The following KSR2 variants were observed in gnomAD, a reference collection of about 807,000 sequenced individuals.
The protein encoded by KSR2 is kinase suppressor of ras 2.
In KSR2, 25 loss-of-function variants were observed where a neutral mutation model predicts 107.8. That is an observed-to-expected ratio of 0.23 (90% confidence interval 0.17 to 0.32). The LOEUF is 0.32. Ranked by LOEUF, KSR2 falls within the 10% of genes least tolerant of loss-of-function variation. KSR2 has a pLI of 1.00. For missense variants in KSR2, 887 were observed against 1,268.9 expected (o/e 0.70, Z 4.57); for synonymous variants, 480 against 507.0 (o/e 0.95, Z 0.71).
At chr12:117,675,163 A>G (rs1396420568) in intron 4 of KSR2, among the ~76,000 whole-genome samples, 4 of 152,182 alleles carry the variant, frequency 2.6e-5, no homozygotes, top group African/African-American at 9.7e-5. Context: ...TTCTGCATTT[A>G]CTTATGTGGT....
intron 5 of KSR2, among the ~76,000 whole-genome samples, chr12:117,620,301 G>A (rs969025866): frequency 6.6e-6 from 1 of 152,098 alleles, no homozygotes; most frequent in African/African-American, 2.4e-5. Context: ...GACCCTGGGT[G>A]GTGAGCAAAG....
chr12:117,532,018 A>G (rs186936234), intron 10 of KSR2, among the ~76,000 whole-genome samples: 31 of 151,908 alleles, frequency 2.0e-4, no homozygotes, highest in African/African-American at 7.0e-4. Flanking sequence ...ACACAGAAAA[A>G]CTCTGCAAAG....
At position 117,466,898 on chromosome 12, in the gene KSR2, C is replaced by T. The variant is rs915044392; in HGVS notation, c.*301G>A. ...CTGTCCTAGTCCCATAGCCCAAAGGCACCACGTGCAGCCTGCAGTGCTCTC... is the reference window on the plus strand; with the variant it reads ...CTGTCCTAGTCCCATAGCCCAAAGGTACCACGTGCAGCCTGCAGTGCTCTC... On this transcript the variant is annotated 3_prime_UTR_variant, in exon 20 of 20. Transcript: ENST00000339824. 1 of 356,040 alleles carries T rather than the reference C, an allele frequency of 2.8e-6. No individual in the cohort carries two copies. 22.1% of individuals were successfully genotyped at this position (356,040 alleles called of 1,614,324 possible). A position where few individuals can be genotyped will look rare whatever the true frequency, so the allele number is the denominator to read the frequency against.
At chr12:117,923,324 C>G (rs1158733232) in intron 1 of KSR2, among the ~76,000 whole-genome samples, 1 of 152,122 alleles carries the variant, frequency 6.6e-6, no homozygotes. Context: ...TTGCAGAAAC[C>G]TAACCCTGTT....
chr12:117,845,233 G>A (rs554842440), intron 3 of KSR2, among the ~76,000 whole-genome samples: 177 of 152,278 alleles, frequency 1.2e-3, no homozygotes, highest in African/African-American at 4.1e-3. Context: ...AGATAACAAG[G>A]CAGTTGTGTT....
intron 1 of KSR2, among the ~76,000 whole-genome samples, chr12:117,888,022 A>G (rs1894227611): frequency 6.6e-6 from 1 of 152,192 alleles, no homozygotes; most frequent in South Asian, 2.1e-4. Context: ...GGATAGGCAA[A>G]CAGAGTGTCT....
intron 9 of KSR2, among the ~76,000 whole-genome samples, chr12:117,554,163 A>G (rs1219204106): frequency 2.0e-5 from 3 of 152,152 alleles, no homozygotes; most frequent in Non-Finnish European, 4.4e-5. Context: ...TCCTACTGTG[A>G]GGCTGGGCAT....
chr12:117,553,393 G>A (rs1305826409), intron 9 of KSR2, among the ~76,000 whole-genome samples: 7 of 152,204 alleles, frequency 4.6e-5, no homozygotes, highest in South Asian at 2.1e-4. Context: ...AGATGCAGTC[G>A]AAAGCTATTG....
At position 117,458,885 on chromosome 12, in the gene KSR2, C is replaced by T. The variant is rs1199936823; in HGVS notation, c.*8314G>A. The stretch of plus-strand genomic sequence containing the variant: ...TTTTCCTGCCCTTTATATGCAGCAC[C>T]CCCTGACTTCCCAGAAGCCCAGACT... On this transcript the variant is annotated 3_prime_UTR_variant, in exon 20 of 20. Transcript: ENST00000339824. The T allele has an allele frequency of 1.3e-5, 2 of 152,144 alleles. No homozygotes were observed. The highest frequency in any genetic ancestry group is 4.8e-5 in the African/African-American group (2 of 41,408). 9.4% of individuals were successfully genotyped at this position (152,144 alleles called of 1,614,324 possible). A position where few individuals can be genotyped will look rare whatever the true frequency, so the allele number is the denominator to read the frequency against.
At chr12:117,497,902 T>C (rs1238160501) in intron 14 of KSR2, among the ~76,000 whole-genome samples, 2 of 152,186 alleles carry the variant, frequency 1.3e-5, no homozygotes, top group African/African-American at 4.8e-5. Flanking sequence ...GTGCGTGTGA[T>C]TTTATGTCCA....
At chr12:117,876,372 G>A (rs568604226) in intron 1 of KSR2, among the ~76,000 whole-genome samples, 4 of 152,342 alleles carry the variant, frequency 2.6e-5, no homozygotes, top group South Asian at 2.1e-4. Flanking sequence ...AATGAGAACC[G>A]GATCCCTGAG....
chr12:117,540,605 A>T (rs750667598), intron 9 of KSR2, among the ~76,000 whole-genome samples: 12 of 152,138 alleles, frequency 7.9e-5, no homozygotes, highest in South Asian at 2.1e-4. Context: ...AATATCCTAA[A>T]TCCAATGACA....
chr12:117,722,307 G>T (rs533929189), intron 4 of KSR2, among the ~76,000 whole-genome samples: 8 of 152,330 alleles, frequency 5.3e-5, no homozygotes, highest in African/African-American at 1.7e-4. Context: ...GATATCAGAT[G>T]TGTGTGAATC....
chr12:117,731,112 G>A (rs866213354), intron 4 of KSR2, among the ~76,000 whole-genome samples: 27 of 149,162 alleles, frequency 1.8e-4, no homozygotes, highest in African/African-American at 5.0e-4. Flanking sequence ...GAGCGCCTCT[G>A]CCCAGCCGCC....
At chr12:117,601,818 C>T (rs753588110) in intron 5 of KSR2, among the ~76,000 whole-genome samples, 9 of 152,202 alleles carry the variant, frequency 5.9e-5, no homozygotes, top group Non-Finnish European at 1.3e-4. Context: ...CAACTCTCTG[C>T]CTCCAGACAA....
intron 4 of KSR2, among the ~76,000 whole-genome samples, chr12:117,732,563 T>A (rs1473522012): frequency 6.6e-6 from 1 of 152,160 alleles, no homozygotes; most frequent in East Asian, 1.9e-4. Flanking sequence ...CTGCTGGGAT[T>A]ACAGGTGTGA....
At chr12:117,867,700 A>G (rs1018908448) in intron 1 of KSR2, among the ~76,000 whole-genome samples, 1 of 152,172 alleles carries the variant, frequency 6.6e-6, no homozygotes, top group Non-Finnish European at 1.5e-5. Flanking sequence ...AAACCATCCT[A>G]GCGCAGTTGA....
chr12:117,880,793 A>G lies in KSR2; in HGVS notation c.181-20362T>C, dbSNP rs573720483. On this transcript the variant is annotated intron_variant, in intron 1 of 19. Transcript: ENST00000339824. ...AGCGATTCTCCCACCTCAGCCTCCC[A>G]AGTAGCTGGGATTACAGGTGCACAC... is the stretch of plus-strand genomic sequence containing the variant. Among the ~76,000 whole-genome samples the G allele has an allele frequency of 3.0e-4, 44 of 144,296 alleles. No homozygotes were observed. In the Admixed American group the frequency reaches 3.1e-3, roughly 10 times the overall value. 94.7% of individuals were successfully genotyped at this position (144,296 alleles called of 152,430 possible). A position where few individuals can be genotyped will look rare whatever the true frequency, so the allele number is the denominator to read the frequency against.
intron 5 of KSR2, among the ~76,000 whole-genome samples, chr12:117,628,480 T>C (rs142160910): frequency 0.021 from 3,202 of 152,310 alleles, 107 homozygotes; most frequent in African/African-American, 0.073. Flanking sequence ...CTGTTGGAGT[T>C]TGCTAGAGTT....
Sources: allele counts gnomAD v4.1 joint callset (sites outside exome capture counted in the v4.1 genomes callset), GRCh38; gene constraint gnomAD v4.1.1; transcripts MANE v1.5; gene names NCBI Gene and HGNC (gene_info 2026-07-23, HGNC 2026-07-21).